Variants in KIF16B observed in about 807,000 individuals in gnomAD.
The protein encoded by KIF16B is kinesin-like protein KIF16B.
A neutral mutation model predicts 156.3 loss-of-function variants in KIF16B; 98 were observed. The observed-to-expected ratio is 0.63, with a 90% confidence interval of 0.53 to 0.74. The LOEUF is 0.74. KIF16B is among the 30% of genes least tolerant of loss of function. The pLI is 0.00. For synonymous variants in KIF16B, 564 were observed against 583.7 expected, an observed-to-expected ratio of 0.97 and a Z score of 0.49; for missense variants, 1,421 against 1,606.5, an observed-to-expected ratio of 0.88 and a Z score of 1.97.
At chr20:16,340,667 A>T (rs2064124870) in intron 23 of KIF16B, among the ~76,000 whole-genome samples, 1 of 152,218 alleles carries the variant, frequency 6.6e-6, no homozygotes, top group African/African-American at 2.4e-5. Flanking sequence ...GTGGGGCTTT[A>T]GCCTATGGTG....
chr20:16,504,702 T>C (rs1005266542), intron 9 of KIF16B, among the ~76,000 whole-genome samples, 155 bp from the exon 10 acceptor site: 1 of 152,224 alleles, frequency 6.6e-6, no homozygotes. Flanking sequence ...TTATCTAACA[T>C]TTCTAGGAAA....
chr20:16,401,152 G>T (rs1029776750), intron 17 of KIF16B, among the ~76,000 whole-genome samples: 4 of 152,198 alleles, frequency 2.6e-5, no homozygotes, highest in African/African-American at 9.7e-5. Context: ...GCAAGGGGTA[G>T]CAGAGAGAAA....
At chr20:16,383,039 G>C (rs910191433) in intron 17 of KIF16B, among the ~76,000 whole-genome samples, 2 of 152,114 alleles carry the variant, frequency 1.3e-5, no homozygotes, top group African/African-American at 4.8e-5. Context: ...TGACTTCCAG[G>C]TTGGAGTGCA....
chr20:16,420,121 A>T (rs1007580622), intron 15 of KIF16B, among the ~76,000 whole-genome samples: 1 of 152,114 alleles, frequency 6.6e-6, no homozygotes, highest in Non-Finnish European at 1.5e-5. Context: ...TGGAAGAACT[A>T]AAAAAAGAGG....
chr20:16,461,319 C>A (rs2067340076), intron 12 of KIF16B, among the ~76,000 whole-genome samples: 1 of 151,900 alleles, frequency 6.6e-6, no homozygotes. Flanking sequence ...TCTTCTTTAA[C>A]CCAGTTAGAA....
At chr20:16,288,844 T>C (rs2063269427) in intron 25 of KIF16B, among the ~76,000 whole-genome samples, 1 of 152,072 alleles carries the variant, frequency 6.6e-6, no homozygotes, top group Non-Finnish European at 1.5e-5. Context: ...CCATCATAAG[T>C]GGAAGAGCAT....
chr20:16,376,468 T>A (rs1414323506), intron 19 of KIF16B, among the ~76,000 whole-genome samples: 1 of 152,204 alleles, frequency 6.6e-6, no homozygotes, highest in Non-Finnish European at 1.5e-5. Flanking sequence ...CAAGTCAGGC[T>A]GCACGGTGAA....
At chr20:16,545,463 G>A (rs2070370312) in intron 1 of KIF16B, among the ~76,000 whole-genome samples, 1 of 151,778 alleles carries the variant, frequency 6.6e-6, no homozygotes, top group Non-Finnish European at 1.5e-5. Context: ...TCAGGAGCTT[G>A]AGACCAGCCT....
At chr20:16,434,327 C>G (rs6105599) in intron 12 of KIF16B, among the ~76,000 whole-genome samples, 1 of 152,118 alleles carries the variant, frequency 6.6e-6, no homozygotes, top group Non-Finnish European at 1.5e-5. Flanking sequence ...CAGGAGGACT[C>G]GGCTCAATGC....
At chr20:16,419,433 C>T (rs376690735) in intron 15 of KIF16B, among the ~76,000 whole-genome samples, 8 of 152,204 alleles carry the variant, frequency 5.3e-5, no homozygotes, top group East Asian at 1.9e-4. Flanking sequence ...AATTTGTCAG[C>T]GAACAACTCA....
At chr20:16,514,597 A>C (rs1275619338) in intron 4 of KIF16B, among the ~76,000 whole-genome samples, 3 of 150,356 alleles carry the variant, frequency 2.0e-5, no homozygotes, top group African/African-American at 4.9e-5. Flanking sequence ...AAAAAAAAAA[A>C]AAAAAAAAAC....
chr20:16,511,888 C>T (rs115177071), intron 5 of KIF16B, among the ~76,000 whole-genome samples: 52 of 152,238 alleles, frequency 3.4e-4, no homozygotes, highest in African/African-American at 1.2e-3. Flanking sequence ...TGGTGGCTCA[C>T]GTCTGTAATA....
intron 1 of KIF16B, among the ~76,000 whole-genome samples, chr20:16,536,979 A>G (rs1482088194): frequency 2.0e-5 from 3 of 151,786 alleles, no homozygotes; most frequent in Admixed American, 6.6e-5. Context: ...GTCCCTTCCA[A>G]TCTACCACCT....
chr20:16,467,332 TG>T (rs2067520714), intron 12 of KIF16B, among the ~76,000 whole-genome samples: 1 of 152,148 alleles, frequency 6.6e-6, no homozygotes, highest in South Asian at 2.1e-4. Context: ...ACTAAAGGCC[TG>T]TTTACCACAG....
chr20:16,451,544 A>C (rs1392420534), intron 12 of KIF16B, among the ~76,000 whole-genome samples: 1 of 151,600 alleles, frequency 6.6e-6, no homozygotes, highest in Non-Finnish European at 1.5e-5. Flanking sequence ...AAAAAAAAAA[A>C]ACCACCACCA....
chr20:16,470,734 C>G (rs2146754118), intron 12 of KIF16B, among the ~76,000 whole-genome samples: 1 of 151,422 alleles, frequency 6.6e-6, no homozygotes, highest in Admixed American at 6.6e-5. Flanking sequence ...TGGGCTCGAG[C>G]AATCGGCCCA....
At chr20:16,277,314 A>G (rs1179015141) in intron 25 of KIF16B, among the ~76,000 whole-genome samples, 1 of 152,104 alleles carries the variant, frequency 6.6e-6, no homozygotes, top group Admixed American at 6.6e-5. Context: ...ACTCTTCTTC[A>G]CTAATGAAAT....
At chr20:16,398,848 T>A (rs931290860) in intron 17 of KIF16B, among the ~76,000 whole-genome samples, 3 of 150,948 alleles carry the variant, frequency 2.0e-5, no homozygotes, top group African/African-American at 4.9e-5. Context: ...GGGAGGGGAG[T>A]CCCAGCATTG....
chr20:16,496,606 G>A (rs949499740), intron 11 of KIF16B, among the ~76,000 whole-genome samples: 8 of 152,118 alleles, frequency 5.3e-5, no homozygotes, highest in African/African-American at 1.9e-4. Context: ...GTCACAGCAT[G>A]TATAATACAT....
Sources: allele counts gnomAD v4.1 joint callset (sites outside exome capture counted in the v4.1 genomes callset), GRCh38; gene constraint gnomAD v4.1.1; transcripts MANE v1.5; gene names NCBI Gene and HGNC (gene_info 2026-07-23, HGNC 2026-07-21).